Variants in PTPRT observed in about 807,000 individuals in gnomAD.
PTPRT encodes the protein protein tyrosine phosphatase receptor type T, also known as receptor-type tyrosine-protein phosphatase T.
A neutral mutation model predicts 176.8 loss-of-function variants in PTPRT; 56 were observed. That is an observed-to-expected ratio of 0.32 (90% confidence interval 0.26 to 0.40). The LOEUF is 0.40. Among genes scored for constraint, PTPRT ranks in the 10% least tolerant of loss-of-function variants. The pLI is 1.00. For synonymous variants in PTPRT, 783 were observed against 739.0 expected (o/e 1.06, Z -0.96); for missense variants, 1,540 against 1,908.2 (o/e 0.81, Z 3.60).
At chr20:42,517,543 T>C (rs533459592) in intron 7 of PTPRT, among the ~76,000 whole-genome samples, 4 of 152,184 alleles carry the variant, frequency 2.6e-5, no homozygotes, top group South Asian at 4.2e-4. Flanking sequence ...CCTTTCTGTG[T>C]TCTTTGTTTA....
chr20:43,122,070 T>A (rs1381044800), intron 1 of PTPRT, among the ~76,000 whole-genome samples: 1 of 152,196 alleles, frequency 6.6e-6, no homozygotes, highest in African/African-American at 2.4e-5. Context: ...CAGCATGCTT[T>A]AGAATCCCCG....
chr20:42,379,645 C>A (rs1600922310), intron 9 of PTPRT, among the ~76,000 whole-genome samples: 2 of 152,336 alleles, frequency 1.3e-5, no homozygotes, highest in East Asian at 3.9e-4. Context: ...CGGCCTTGGC[C>A]CTGGCCGGGT....
intron 9 of PTPRT, among the ~76,000 whole-genome samples, chr20:42,358,015 A>T (rs554159608): frequency 1.3e-5 from 2 of 152,242 alleles, no homozygotes; most frequent in South Asian, 2.1e-4. Flanking sequence ...ACAAGGAGAC[A>T]TGACAACGAA....
rs1240384726 is a variant in PTPRT, at chr20:42,078,800, CT to C, written c.*2078del. 1.1e-5 allele frequency: 2 copies of C among 174,348 alleles called. No individual in the cohort carries two copies. The highest frequency in any genetic ancestry group is 1.0e-4 in the East Asian group (1 of 9,858). The allele number at this position is 174,348 out of a possible 1,614,324, so 10.8% of individuals were successfully genotyped here. On this transcript the variant is annotated 3_prime_UTR_variant, in exon 31 of 31. Transcript: ENST00000373187. The stretch of plus-strand genomic sequence containing the variant: ...ATATGGATCCCTTTGCCTGAGTTTC[CT>C]TTTTTTCCTTTTTATGCTTGTTAAG...
intron 9 of PTPRT, among the ~76,000 whole-genome samples, chr20:42,421,545 A>T (rs6016785): frequency 1.3e-5 from 2 of 151,570 alleles, no homozygotes; most frequent in South Asian, 4.2e-4. Flanking sequence ...ATGGGCTGAC[A>T]GGGTGTGTGT....
chr20:42,390,637 T>C (rs922853199), intron 9 of PTPRT, among the ~76,000 whole-genome samples: 20 of 152,204 alleles, frequency 1.3e-4, no homozygotes, highest in Non-Finnish European at 2.6e-4. Context: ...CTGAGGCCTC[T>C]GACAATAGCT....
chr20:42,726,200 C>T (rs1167674259), intron 6 of PTPRT, among the ~76,000 whole-genome samples: 1 of 152,008 alleles, frequency 6.6e-6, no homozygotes, highest in Non-Finnish European at 1.5e-5. Context: ...GTGCCTCAGC[C>T]TCCTGAGTAG....
intron 7 of PTPRT, among the ~76,000 whole-genome samples, chr20:42,582,128 C>T (rs776605367): frequency 9.2e-5 from 14 of 152,158 alleles, no homozygotes; most frequent in East Asian, 1.9e-4. Flanking sequence ...CTCTTTCCCT[C>T]CTGGGTCCCA....
intron 1 of PTPRT, among the ~76,000 whole-genome samples, chr20:43,050,484 T>C (rs943878702): frequency 5.9e-5 from 9 of 152,156 alleles, no homozygotes; most frequent in African/African-American, 2.2e-4. Context: ...CTCTCCCTCA[T>C]ACGGCGTCTC....
intron 7 of PTPRT, among the ~76,000 whole-genome samples, chr20:42,514,534 T>C (rs2072025110): frequency 6.6e-6 from 1 of 152,204 alleles, no homozygotes; most frequent in Non-Finnish European, 1.5e-5. Context: ...AAATATTTTC[T>C]GCCAGTGTGT....
chr20:42,115,806 A>C (rs1987244081), intron 21 of PTPRT, among the ~76,000 whole-genome samples: 1 of 152,072 alleles, frequency 6.6e-6, no homozygotes, highest in African/African-American at 2.4e-5. Context: ...TAGGAGGTGG[A>C]AGCAGAAGTG....
At chr20:42,398,914 A>G (rs1447544317) in intron 9 of PTPRT, among the ~76,000 whole-genome samples, 1 of 152,206 alleles carries the variant, frequency 6.6e-6, no homozygotes, top group Non-Finnish European at 1.5e-5. Flanking sequence ...TGCATGTTCC[A>G]AGATGGCCTC....
At chr20:42,639,291 A>T (rs2074682355) in intron 7 of PTPRT, among the ~76,000 whole-genome samples, 1 of 152,118 alleles carries the variant, frequency 6.6e-6, no homozygotes, top group African/African-American at 2.4e-5. Context: ...TTTAATTGTA[A>T]CTTTGGGCCT....
intron 9 of PTPRT, among the ~76,000 whole-genome samples, chr20:42,398,679 A>G (rs2058875404): frequency 6.6e-6 from 1 of 152,188 alleles, no homozygotes; most frequent in African/African-American, 2.4e-5. Context: ...TTACCTCCTC[A>G]CAGAGACTCT....
intron 17 of PTPRT, among the ~76,000 whole-genome samples, chr20:42,156,813 T>G (rs1272947774): frequency 6.6e-6 from 1 of 152,228 alleles, no homozygotes; most frequent in Non-Finnish European, 1.5e-5. Context: ...TGCCATGCCC[T>G]GAGTCATCGT....
chr20:42,588,697 GA>G (rs2073515939), intron 7 of PTPRT, among the ~76,000 whole-genome samples: 1 of 152,126 alleles, frequency 6.6e-6, no homozygotes, highest in South Asian at 2.1e-4. Context: ...ATAGCTACTA[GA>G]AAATTTTAAA....
chr20:42,314,742 T>C (rs2057690898), intron 12 of PTPRT, among the ~76,000 whole-genome samples: 1 of 152,104 alleles, frequency 6.6e-6, no homozygotes, highest in Non-Finnish European at 1.5e-5. Flanking sequence ...GGTGGTTGCA[T>C]TGGTTTTGTA....
At chr20:42,587,341 G>T (rs773652949) in intron 7 of PTPRT, among the ~76,000 whole-genome samples, 1 of 152,226 alleles carries the variant, frequency 6.6e-6, no homozygotes, top group Non-Finnish European at 1.5e-5. Context: ...CCAGCATGGG[G>T]TCTGGCTCTG....
chr20:42,884,052 C>G (rs932024632), intron 2 of PTPRT, among the ~76,000 whole-genome samples: 1 of 151,658 alleles, frequency 6.6e-6, no homozygotes, highest in East Asian at 1.9e-4. Flanking sequence ...AAGAGTAGAG[C>G]AGATGTGCTA....
Sources: gnomAD v4.1 joint callset for allele counts (sites outside exome capture counted in the v4.1 genomes callset) on GRCh38, gnomAD v4.1.1 for gene constraint, MANE v1.5 for transcripts, NCBI Gene and HGNC (gene_info 2026-07-23, HGNC 2026-07-21) for gene names.